The following ANKRD36C variants were observed in gnomAD, a reference collection of about 807,000 sequenced individuals.
ANKRD36C encodes the protein ankyrin repeat domain-containing protein 36C.
ANKRD36C carries 61 observed loss-of-function variants against 276.4 expected under a neutral mutation model. That is an observed-to-expected ratio of 0.22 (90% CI 0.18 to 0.27). The LOEUF is 0.27. ANKRD36C is among the 10% of genes least tolerant of loss of function. The pLI is 1.00. For missense variants in ANKRD36C, 1,447 were observed against 2,032.3 expected (o/e 0.71, Z 5.54); for synonymous variants, 483 against 680.1 (o/e 0.71, Z 4.51).
chr2:95,860,789 G>A (rs62156925), intron 60 of ANKRD36C, among the ~76,000 whole-genome samples: 9 of 152,090 alleles, frequency 5.9e-5, no homozygotes, highest in African/African-American at 1.2e-4. Context: ...CCAGTAAAAC[G>A]AAAGCAGATA....
chr2:95,921,146 G>T (rs575065694), intron 34 of ANKRD36C, among the ~76,000 whole-genome samples: 2 of 150,672 alleles, frequency 1.3e-5, no homozygotes, highest in South Asian at 2.1e-4. Context: ...CATCTTCCTT[G>T]GGAAAATAAT....
chr2:95,863,427 A>G (rs1417564773), intron 60 of ANKRD36C, among the ~76,000 whole-genome samples: 3 of 152,170 alleles, frequency 2.0e-5, no homozygotes, highest in African/African-American at 7.2e-5. Context: ...AAAATAATAC[A>G]ATTATACATA....
At chr2:95,889,093 T>A (rs1413182325) in intron 48 of ANKRD36C, among the ~76,000 whole-genome samples, 1 of 151,556 alleles carries the variant, frequency 6.6e-6, no homozygotes, top group Non-Finnish European at 1.5e-5. Flanking sequence ...ATAACTGAAA[T>A]CAACAAAACA....
chr2:95,902,696 A>T (rs1465748011), intron 42 of ANKRD36C, among the ~76,000 whole-genome samples, 190 bp downstream of exon 54: 1 of 150,326 alleles, frequency 6.7e-6, no homozygotes, highest in Non-Finnish European at 1.5e-5. Flanking sequence ...GAAGTGTATA[A>T]TCTTACTGCG....
chr2:95,884,194 C>A, exon 54 of ANKRD36C: 2 of 1,608,932 alleles, frequency 1.2e-6, no homozygotes, highest in Non-Finnish European at 1.7e-6. Context: ...TTTTCTCCAT[C>A]CTTTATTTCT....
intron 40 of ANKRD36C, among the ~76,000 whole-genome samples, chr2:95,913,480 T>C (rs1338719994): frequency 6.6e-6 from 1 of 151,438 alleles, no homozygotes; most frequent in Non-Finnish European, 1.5e-5. Flanking sequence ...CACTGTGGTG[T>C]ATTCCAATTA....
At position 95,963,983 on chromosome 2, in the gene ANKRD36C, A is replaced by T. The variant is rs1229160280; in HGVS notation, c.800-1436T>A. ...AATATATATATATAAATATATATAT[A>T]TATATATATATATATATATATATAT... On this transcript the variant is annotated intron_variant, in intron 6 of 66. Transcript: ENST00000456556. Among the ~76,000 whole-genome samples the T allele has an allele frequency of 9.0e-3, 97 of 10,722 alleles. 2 individuals carry two copies. The highest frequency in any genetic ancestry group is 0.057 in the African/African-American group (84 of 1,464). The allele number at this position is 10,722 out of a possible 152,430, so 7.0% of individuals were successfully genotyped here.
intron 3 of ANKRD36C, among the ~76,000 whole-genome samples, chr2:95,983,649 C>T (rs1218822941): frequency 6.6e-6 from 1 of 151,722 alleles, no homozygotes; most frequent in African/African-American, 2.4e-5. Flanking sequence ...CTCGCTCTGT[C>T]GCCCAGGCTG....
At chr2:95,933,252 G>T (rs947000389) in intron 24 of ANKRD36C, among the ~76,000 whole-genome samples, 4 of 152,418 alleles carry the variant, frequency 2.6e-5, no homozygotes, top group Admixed American at 6.5e-5. Flanking sequence ...GCTTACAATT[G>T]TCTCGGCTAT....
intron 13 of ANKRD36C, among the ~76,000 whole-genome samples, chr2:95,956,087 A>T (rs72935850): frequency 1.1e-3 from 154 of 142,150 alleles, no homozygotes; most frequent in East Asian, 2.3e-3. Flanking sequence ...TAAAGAGAAA[A>T]CCTAACTGGG....
At chr2:95,912,459 A>G in intron 40 of ANKRD36C, 24 bp from the exon 43 acceptor site, 1 of 1,604,894 alleles carries the variant, frequency 6.2e-7, no homozygotes, top group South Asian at 1.1e-5. Context: ...GGGATACATA[A>G]TCACTCACAC....
At chr2:95,919,571 G>A (rs746204332) in intron 34 of ANKRD36C, among the ~76,000 whole-genome samples, 162 bp downstream of exon 36, 1 of 131,764 alleles carries the variant, frequency 7.6e-6, no homozygotes, top group Non-Finnish European at 1.7e-5. Context: ...CAGCATTAGC[G>A]TCTCCCAAGA....
In ANKRD36C at chr2:95,858,118, T is replaced by C. The variant is rs192983687; in HGVS notation, c.3897-626A>G. 2.0e-5 allele frequency among the ~76,000 whole-genome samples: 3 copies of C among 151,876 alleles called. No homozygotes were observed. In the East Asian group the frequency reaches 5.8e-4, roughly 29 times the overall value. ...ATTTCTTACATGTATTTGATTGCTG[T>C]CTCATGCTTCTCTAAAATGTATAAA... On this transcript the variant is annotated intron_variant, in intron 61 of 66. Coordinates refer to ENST00000456556, the Ensembl canonical transcript of ANKRD36C.
chr2:95,953,850 T>C (rs1678260802), intron 14 of ANKRD36C, 89 bp downstream of exon 14: 1 of 1,265,056 alleles, frequency 7.9e-7, no homozygotes, highest in Admixed American at 3.0e-5. Flanking sequence ...AAAACAATGA[T>C]AGGTAGACAA....
intron 17 of ANKRD36C, among the ~76,000 whole-genome samples, chr2:95,947,783 T>A (rs1421633703): frequency 1.3e-5 from 2 of 152,138 alleles, no homozygotes; most frequent in African/African-American, 4.8e-5. Context: ...CCCTCTCTAC[T>A]ATAGATGTGA....
chr2:95,868,919 C>A (rs1233708415), intron 59 of ANKRD36C, among the ~76,000 whole-genome samples: 2 of 152,308 alleles, frequency 1.3e-5, no homozygotes, highest in African/African-American at 4.8e-5. Flanking sequence ...CCTAGTTTGT[C>A]TTGTTTGATC....
intron 10 of ANKRD36C, among the ~76,000 whole-genome samples, chr2:95,960,066 T>C (rs1678420449): frequency 6.6e-6 from 1 of 152,094 alleles, no homozygotes; most frequent in South Asian, 2.1e-4. Context: ...TCTCATTCTA[T>C]AGTGTTTATG....
chr2:95,956,764 T>C, intron 13 of ANKRD36C, 22 bp downstream of exon 13: 2 of 1,532,276 alleles, frequency 1.3e-6, no homozygotes, highest in Non-Finnish European at 1.7e-6. Flanking sequence ...CATATCACTT[T>C]AAAAAATCTG....
intron 4 of ANKRD36C, 138 bp from the exon 5 acceptor site, chr2:95,980,923 C>T (rs1678902901): frequency 1.5e-6 from 2 of 1,301,820 alleles, no homozygotes; most frequent in Admixed American, 2.8e-5. Context: ...ATCTTAGGTG[C>T]TCAAGGGTAT....
Sources: allele counts gnomAD v4.1 joint callset (sites outside exome capture counted in the v4.1 genomes callset), GRCh38; gene constraint gnomAD v4.1.1; transcripts MANE v1.5; gene names NCBI Gene and HGNC (gene_info 2026-07-23, HGNC 2026-07-21).